The following ZNF891 variants were observed in gnomAD, a reference collection of about 807,000 sequenced individuals.
ZNF891 encodes zinc finger protein 891.
For missense variants in ZNF891, 589 were observed against 632.7 expected, an observed-to-expected ratio of 0.93 and a Z score of 0.74; for synonymous variants, 199 against 209.0, an observed-to-expected ratio of 0.95 and a Z score of 0.41.
chr12:133,106,533 AC>A lies in ZNF891; in HGVS notation c.*13750del. The A allele has an allele frequency of 6.2e-7, 1 of 1,614,106 alleles. No individual in the cohort carries two copies. The highest frequency in any genetic ancestry group is 8.5e-7 in the Non-Finnish European group (1 of 1,180,026). The stretch of plus-strand genomic sequence containing the variant: ...AAACCCTATGTATGTAAGGTATGCA[AC>A]AAATCCTTCAGCTGGAGCTCAAACC... On this transcript the variant is annotated 3_prime_UTR_variant, in exon 2 of 2. Coordinates refer to ENST00000537226, the MANE Select transcript of ZNF891 (RefSeq NM_001277291.2).
chr12:133,123,217 C>T (rs12578844), intron 1 of ZNF891, among the ~76,000 whole-genome samples: 28,757 of 151,984 alleles, frequency 0.19, 3,478 homozygotes, highest in Non-Finnish European at 0.26. Context: ...AAACCAGGAG[C>T]GTATATAGGT....
At chr12:133,123,884 A>T (rs1036050414) in intron 1 of ZNF891, among the ~76,000 whole-genome samples, 1 of 152,172 alleles carries the variant, frequency 6.6e-6, no homozygotes, top group Non-Finnish European at 1.5e-5. Context: ...TATAGCACTA[A>T]TTACAAACAC....
At chr12:133,122,830 T>C (rs1377880346) in intron 1 of ZNF891, among the ~76,000 whole-genome samples, 1 of 152,146 alleles carries the variant, frequency 6.6e-6, no homozygotes, top group Non-Finnish European at 1.5e-5. Context: ...ATCTAACACT[T>C]GAATGGGGTC....
At position 133,109,053 on chromosome 12, in the gene ZNF891, ATTC is replaced by A. The variant is rs983076268; in HGVS notation, c.*11228_*11230del. The A allele has an allele frequency of 1.4e-4, 21 of 151,382 alleles. No homozygotes were observed. Among genetic ancestry groups the A allele is most frequent in the Middle Eastern group, 3.2e-3 (1 of 316 alleles). The allele number at this position is 151,382 out of a possible 1,614,324, so 9.4% of individuals were successfully genotyped here. On this transcript the variant is annotated 3_prime_UTR_variant, in exon 2 of 2. Coordinates refer to ENST00000537226, the MANE Select transcript of ZNF891 (RefSeq NM_001277291.2). ...CTATCAGTTATTGTGGCTCAAGAAA[ATTC>A]TTCTTCTGGTGTAGCCCAGGGAAGC...
rs1205323638 is a variant in ZNF891, at chr12:133,108,083, C to T, written c.*12201G>A. 3 of 152,116 alleles carry T rather than the reference C, an allele frequency of 2.0e-5. No homozygotes were observed. Among genetic ancestry groups the T allele is most frequent in the African/African-American group, 7.2e-5 (3 of 41,402 alleles). 9.4% of individuals were successfully genotyped at this position (152,116 alleles called of 1,614,324 possible). A position where few individuals can be genotyped will look rare whatever the true frequency, so the allele number is the denominator to read the frequency against. On this transcript the variant is annotated 3_prime_UTR_variant, in exon 2 of 2. Coordinates refer to ENST00000537226, the MANE Select transcript of ZNF891 (RefSeq NM_001277291.2). ...CCATATTGGTACATACATTTAGAAG[C>T]TTCTCAAGTTTCCATAAGAGTTGTT...
In ZNF891 at chr12:133,107,557, T is replaced by C. The variant is rs1282078831; in HGVS notation, c.*12727A>G. The C allele has an allele frequency of 6.6e-6, 1 of 152,224 alleles. No homozygotes were observed. Among genetic ancestry groups the C allele is most frequent in the African/African-American group, 2.4e-5 (1 of 41,454 alleles). 9.4% of individuals were successfully genotyped at this position (152,224 alleles called of 1,614,324 possible). ...CATAACAAAGTGTTTTTAGGTGTTT[T>C]ATGATTTTAACTTTCAGACAGAGTT... On this transcript the variant is annotated 3_prime_UTR_variant, in exon 2 of 2. Coordinates refer to ENST00000537226, the MANE Select transcript of ZNF891 (RefSeq NM_001277291.2).
Position 133,106,885 on chromosome 12 carries a change from G to T in ZNF891, c.*13399C>A. On this transcript the variant is annotated 3_prime_UTR_variant, in exon 2 of 2. Coordinates refer to ENST00000537226, the MANE Select transcript of ZNF891 (RefSeq NM_001277291.2). ...ATAACAAGGTGAAATCAATATTGTT[G>T]AGAAGATTCTTCCATCTGGTAATGT... The T allele has an allele frequency of 2.8e-6, 1 of 353,168 alleles. No homozygotes were observed. Among genetic ancestry groups the T allele is most frequent in the Non-Finnish European group, 5.1e-6 (1 of 195,430 alleles). 21.9% of individuals were successfully genotyped at this position (353,168 alleles called of 1,614,324 possible).
Position 133,112,716 on chromosome 12 carries a change from T to C in ZNF891, c.*7568A>G, listed in dbSNP as rs1184825929. The C allele has an allele frequency of 6.6e-6, 1 of 152,218 alleles. No homozygotes were observed. The highest frequency in any genetic ancestry group is 2.4e-5 in the African/African-American group (1 of 41,462). The allele number at this position is 152,218 out of a possible 1,614,324, so 9.4% of individuals were successfully genotyped here. A position where few individuals can be genotyped will look rare whatever the true frequency, so the allele number is the denominator to read the frequency against. On this transcript the variant is annotated 3_prime_UTR_variant, in exon 2 of 2. Transcript: ENST00000537226. The stretch of plus-strand genomic sequence containing the variant: ...ATTCTGCCTAGAGTAAGAGGAAGTC[T>C]AAAAAGTATCCACACCCTTTATCAA...
Position 133,105,657 on chromosome 12 carries a change from C to T in ZNF891, c.*14627G>A. On this transcript the variant is annotated 3_prime_UTR_variant, in exon 2 of 2. Transcript: ENST00000537226. Reference sequence around the variant, plus strand: ...GGAGGCTGGAAATGCAAGGATCATACTGAGATGCTGCAAGAAAATCAGGGA... The same window carrying T: ...GGAGGCTGGAAATGCAAGGATCATATTGAGATGCTGCAAGAAAATCAGGGA... 1 of 1,614,182 alleles carries T rather than the reference C, an allele frequency of 6.2e-7. No individual in the cohort carries two copies. The highest frequency in any genetic ancestry group is 8.5e-7 in the Non-Finnish European group (1 of 1,180,036).
At position 133,105,848 on chromosome 12, in the gene ZNF891, T is replaced by G; in HGVS notation, c.*14436A>C. 4 of 1,614,182 alleles carry G rather than the reference T, an allele frequency of 2.5e-6. No homozygotes were observed. Among genetic ancestry groups the G allele is most frequent in the Non-Finnish European group, 3.4e-6 (4 of 1,180,040 alleles). On this transcript the variant is annotated 3_prime_UTR_variant, in exon 2 of 2. Coordinates refer to ENST00000537226, the MANE Select transcript of ZNF891 (RefSeq NM_001277291.2). ...TCATACTGGAGAGAAACCATATGCA[T>G]GTAAGGAATGTGGCAAAACCTTTAG...
chr12:133,125,660 C>A, intron 1 of ZNF891: 1 of 296,142 alleles, frequency 3.4e-6, no homozygotes. Context: ...GCCCACGTAT[C>A]TTCAGAAGAG....
At chr12:133,129,697 T>C (rs1015464643) in intron 1 of ZNF891, among the ~76,000 whole-genome samples, 6 of 152,056 alleles carry the variant, frequency 3.9e-5, no homozygotes, top group Non-Finnish European at 8.8e-5. Flanking sequence ...CGGGCAAGGA[T>C]AGTACACAAA....
chr12:133,106,538 T>G lies in ZNF891; in HGVS notation c.*13746A>C, dbSNP rs1328483649. The G allele has an allele frequency of 6.2e-7, 1 of 1,613,976 alleles. No homozygotes were observed. Among genetic ancestry groups the G allele is most frequent in the African/African-American group, 1.3e-5 (1 of 75,044 alleles). On this transcript the variant is annotated 3_prime_UTR_variant, in exon 2 of 2. Transcript: ENST00000537226. ...CTATGTATGTAAGGTATGCAACAAA[T>G]CCTTCAGCTGGAGCTCAAACCTTGC...
rs369108910 is a variant in ZNF891, at chr12:133,106,292, C to T, written c.*13992G>A. 1.3e-5 allele frequency: 21 copies of T among 1,614,124 alleles called. No individual in the cohort carries two copies. Among genetic ancestry groups the T allele is most frequent in the Admixed American group, 3.3e-5 (2 of 60,010 alleles). On this transcript the variant is annotated 3_prime_UTR_variant, in exon 2 of 2. Transcript: ENST00000537226. ...ATGTAATGAATGTAGGAAAGCTTTCCGTTGTCACTCATTCCTTATTAAACA... is the reference window on the plus strand; with the variant it reads ...ATGTAATGAATGTAGGAAAGCTTTCTGTTGTCACTCATTCCTTATTAAACA...
At position 133,121,242 on chromosome 12, in the gene ZNF891, A is replaced by G. The variant is rs2137619398; in HGVS notation, c.677T>C (p.Leu226Ser). 2 of 1,535,650 alleles carry G rather than the reference A, an allele frequency of 1.3e-6. No individual in the cohort carries two copies. Among genetic ancestry groups the G allele is most frequent in the South Asian group, 2.4e-5 (2 of 84,052 alleles). The change falls in exon 2 of 2, where the codon TTG (leucine) becomes TCG (serine). Residue 226 changes from leucine (L) to serine (S), a missense_variant. Physicochemically the swap from Leu to Ser is moderately radical, Grantham distance 145 (BLOSUM62 -2). Coordinates refer to ENST00000537226, the MANE Select transcript of ZNF891 (RefSeq NM_001277291.2). ...ATTGTTTATGATTGAATTGTGTTTCAAACATCCAATCTCTGAGTAACATTT... is the reference window on the plus strand; with the variant it reads ...ATTGTTTATGATTGAATTGTGTTTCGAACATCCAATCTCTGAGTAACATTT... ...CQKCYSEIGC[L>S]KHNSIINNYV...
At chr12:133,128,561 G>C (rs1490543394) in intron 1 of ZNF891, among the ~76,000 whole-genome samples, 2 of 152,220 alleles carry the variant, frequency 1.3e-5, no homozygotes, top group African/African-American at 4.8e-5. Context: ...TTGAACCCGG[G>C]ATGTGGAAGT....
At position 133,120,798 on chromosome 12, in the gene ZNF891, T is replaced by C; in HGVS notation, c.1121A>G (p.Lys374Arg). 1 of 1,570,068 alleles carries C rather than the reference T, an allele frequency of 6.4e-7. No individual in the cohort carries two copies. The highest frequency in any genetic ancestry group is 8.6e-7 in the Non-Finnish European group (1 of 1,158,612). ...TCCACATTGATTACATTCATAGGGT[T>C]TCTCTCCAGTGTGAGTTCTTACATG... ...RRHVRTHTGE[K>R]PYECNQCGKA... The change falls in exon 2 of 2, where the codon AAA (lysine) becomes AGA (arginine). Residue 374 changes from lysine (K) to arginine (R), a missense_variant. Lys to Arg is a conservative substitution (Grantham distance 26, BLOSUM62 2). Transcript: ENST00000537226.
Position 133,110,340 on chromosome 12 carries a change from T to A in ZNF891, c.*9944A>T, listed in dbSNP as rs1210599847. 6.6e-6 allele frequency: 1 copy of A among 152,172 alleles called. No homozygotes were observed. Among genetic ancestry groups the A allele is most frequent in the Non-Finnish European group, 1.5e-5 (1 of 68,036 alleles). The allele number at this position is 152,172 out of a possible 1,614,324, so 9.4% of individuals were successfully genotyped here. A position where few individuals can be genotyped will look rare whatever the true frequency, so the allele number is the denominator to read the frequency against. ...AGTGTGTTCTATTTGGGGAAATTCATAAAGCTGCATGCCTTTATGTATTAT... is the reference window on the plus strand; with the variant it reads ...AGTGTGTTCTATTTGGGGAAATTCAAAAAGCTGCATGCCTTTATGTATTAT... On this transcript the variant is annotated 3_prime_UTR_variant, in exon 2 of 2. Coordinates refer to ENST00000537226, the MANE Select transcript of ZNF891 (RefSeq NM_001277291.2).
In ZNF891 at chr12:133,111,755, G is replaced by A. The variant is rs1200907783; in HGVS notation, c.*8529C>T. 1.3e-5 allele frequency: 2 copies of A among 152,020 alleles called. No homozygotes were observed. The highest frequency in any genetic ancestry group is 2.9e-5 in the Non-Finnish European group (2 of 68,002). The allele number at this position is 152,020 out of a possible 1,614,324, so 9.4% of individuals were successfully genotyped here. A position where few individuals can be genotyped will look rare whatever the true frequency, so the allele number is the denominator to read the frequency against. On this transcript the variant is annotated 3_prime_UTR_variant, in exon 2 of 2. Coordinates refer to ENST00000537226, the MANE Select transcript of ZNF891 (RefSeq NM_001277291.2). ...TATTAGCCATGAATTTCCTGTTTATGCTAAAACAAATCTCATTGTCTTTTA... is the reference window on the plus strand; with the variant it reads ...TATTAGCCATGAATTTCCTGTTTATACTAAAACAAATCTCATTGTCTTTTA...
Sources: allele counts gnomAD v4.1 joint callset (sites outside exome capture counted in the v4.1 genomes callset), GRCh38; gene constraint gnomAD v4.1.1; transcripts MANE v1.5; gene names NCBI Gene and HGNC (gene_info 2026-07-23, HGNC 2026-07-21).